The following ZNF655 variants were observed in gnomAD, a reference collection of about 807,000 sequenced individuals.
ZNF655 encodes Vav-interacting Kruppel-like protein 1.
A neutral mutation model predicts 6.6 loss-of-function variants in ZNF655; 3 were observed. That is an observed-to-expected ratio of 0.46 (90% CI 0.21 to 1.18). ZNF655 has a LOEUF of 1.18. Ranked by LOEUF, ZNF655 falls within the 50% of genes most tolerant of loss-of-function variation. The probability of loss-of-function intolerance (pLI) is 0.24; values close to 1 mark genes in which losing one functional copy is unlikely to be tolerated. For synonymous variants in ZNF655, 178 were observed against 195.0 expected (o/e 0.91, Z 0.73); for missense variants, 526 against 572.3 (o/e 0.92, Z 0.83).
At chr7:99,566,680 C>G (rs1002159700) in intron 2 of ZNF655, among the ~76,000 whole-genome samples, 8 of 152,184 alleles carry the variant, frequency 5.3e-5, no homozygotes, top group African/African-American at 1.9e-4. Context: ...CCTACCTCAG[C>G]CTTCTGGGTA....
chr7:99,571,771 G>T, intron 2 of ZNF655: 3 of 1,607,044 alleles, frequency 1.9e-6, no homozygotes, highest in Non-Finnish European at 2.6e-6. Context: ...GACTAGAGAA[G>T]TCTTAAGAGA....
chr7:99,570,688 C>T (rs141981877), intron 2 of ZNF655: 22 of 152,100 alleles, frequency 1.4e-4, no homozygotes, highest in African/African-American at 4.1e-4. Context: ...ATGTAAACAC[C>T]GTTATATGTG....
Position 99,573,130 on chromosome 7 carries a change from A to G in ZNF655, c.1022A>G (p.His341Arg). The change falls in exon 3 of 3, where the codon CAT (histidine) becomes CGT (arginine). Residue 341 changes from histidine (H) to arginine (R), a missense_variant. Transcript: ENST00000252713. ...KCTVCGSDFC[H>R]TSYLLEHQRV... is the part of the protein sequence containing the mutation. ...ACTGTATGTGGCAGTGACTTCTGCC[A>G]TACTTCATACCTACTTGAACATCAG... 6.2e-7 allele frequency: 1 copy of G among 1,614,188 alleles called. No individual in the cohort carries two copies. Among genetic ancestry groups the G allele is most frequent in the African/African-American group, 1.3e-5 (1 of 75,070 alleles).
intron 2 of ZNF655, among the ~76,000 whole-genome samples, chr7:99,566,958 C>A (rs1337927862): frequency 1.3e-5 from 2 of 151,972 alleles, no homozygotes; most frequent in African/African-American, 4.8e-5. Flanking sequence ...CTTGCTCTGT[C>A]GCTCAGGCTG....
chr7:99,562,296 A>G (rs1296927771), intron 2 of ZNF655: 2 of 1,586,750 alleles, frequency 1.3e-6, no homozygotes, highest in South Asian at 1.2e-5. Context: ...TACCCTCTCT[A>G]TGATCTTCAT....
intron 1 of ZNF655, among the ~76,000 whole-genome samples, chr7:99,559,260 C>G (rs1232114915): frequency 1.3e-5 from 2 of 152,216 alleles, no homozygotes; most frequent in Non-Finnish European, 2.9e-5. Flanking sequence ...AAAGGCCGGT[C>G]TAGCTGGTCT....
At chr7:99,559,727 A>G (rs976109177) in intron 1 of ZNF655, among the ~76,000 whole-genome samples, 21 of 151,684 alleles carry the variant, frequency 1.4e-4, no homozygotes, top group Non-Finnish European at 2.2e-4. Flanking sequence ...TCCCAAGCTC[A>G]AGCGATTCTC....
Position 99,573,671 on chromosome 7 carries a change from T to C in ZNF655, c.*87T>C, listed in dbSNP as rs953217492. ...CACCAGGGAGAAATCATGTATGTAC[T>C]GCATGTGGTAAAGCCTTCAGTCATA... On this transcript the variant is annotated 3_prime_UTR_variant, in exon 3 of 3. Coordinates refer to ENST00000252713, the MANE Select transcript of ZNF655 (RefSeq NM_138494.3). 2 of 1,457,038 alleles carry C rather than the reference T, an allele frequency of 1.4e-6. No homozygotes were observed. Among genetic ancestry groups the C allele is most frequent in the Non-Finnish European group, 9.2e-7 (1 of 1,086,108 alleles). The allele number at this position is 1,457,038 out of a possible 1,614,324, so 90.3% of individuals were successfully genotyped here. A position where few individuals can be genotyped will look rare whatever the true frequency, so the allele number is the denominator to read the frequency against.
At chr7:99,564,357 CTGCCCCGTATGG>C in intron 2 of ZNF655, 4 of 1,128,634 alleles carry the variant, frequency 3.5e-6, no homozygotes, top group Non-Finnish European at 4.3e-6. Flanking sequence ...CGAACACAAC[CTGCCCCGTATGG>C]TGCCTAACTC....
rs887955304 is a variant in ZNF655, at chr7:99,558,768, C to T, written c.-47C>T. 1 of 152,296 alleles carries T rather than the reference C, an allele frequency of 6.6e-6. No individual in the cohort carries two copies. Among genetic ancestry groups the T allele is most frequent in the African/African-American group, 2.4e-5 (1 of 41,426 alleles). The allele number at this position is 152,296 out of a possible 1,614,324, so 9.4% of individuals were successfully genotyped here. ...AGTGTGTAGGTGACAGGACAGCGGC[C>T]AGGCCCGCCCCTCCCCTCGGTGAGT... On this transcript the variant is annotated 5_prime_UTR_variant, in exon 1 of 3. Coordinates refer to ENST00000252713, the MANE Select transcript of ZNF655 (RefSeq NM_138494.3).
chr7:99,564,318 T>G, intron 2 of ZNF655: 1 of 1,203,692 alleles, frequency 8.3e-7, no homozygotes, highest in South Asian at 2.7e-5. Flanking sequence ...AATGTGAAAC[T>G]TATGCTGTGT....
At position 99,573,736 on chromosome 7, in the gene ZNF655, A is replaced by G. The variant is rs1415232561; in HGVS notation, c.*152A>G. The stretch of plus-strand genomic sequence containing the variant: ...CAGCATCAGATAATTCACACCAGAG[A>G]GAAACCCTCTGAATGTGACGAATGA... On this transcript the variant is annotated 3_prime_UTR_variant, in exon 3 of 3. Transcript: ENST00000252713. 2.3e-6 allele frequency: 2 copies of G among 871,010 alleles called. No individual in the cohort carries two copies. Among genetic ancestry groups the G allele is most frequent in the Non-Finnish European group, 3.5e-6 (2 of 576,634 alleles). 54.0% of individuals were successfully genotyped at this position (871,010 alleles called of 1,614,324 possible).
intron 2 of ZNF655, chr7:99,562,113 G>T: frequency 2.4e-6 from 2 of 823,416 alleles, no homozygotes; most frequent in Non-Finnish European, 1.8e-6. Flanking sequence ...CCTCTTCGGA[G>T]ACCTGGACTT....
In ZNF655 at chr7:99,562,674, G is replaced by A. The variant is rs376759776; in HGVS notation, c.136+1979G>A. On this transcript the variant is annotated intron_variant, in intron 2 of 2. Coordinates refer to ENST00000252713, the MANE Select transcript of ZNF655 (RefSeq NM_138494.3). The stretch of plus-strand genomic sequence containing the variant: ...GGAGGGGTAATTAACGTTTGTTTGG[G>A]GGTGCCAAGAAGAGACATTCTCCTC... Among the ~76,000 whole-genome samples, 11 of 152,022 alleles carry A rather than the reference G, an allele frequency of 7.2e-5. No homozygotes were observed. The East Asian group carries it at 1.4e-3, about 19-fold the overall frequency.
intron 2 of ZNF655, among the ~76,000 whole-genome samples, chr7:99,565,948 G>C (rs1803585714): frequency 6.8e-6 from 1 of 147,218 alleles, no homozygotes; most frequent in Non-Finnish European, 1.5e-5. Flanking sequence ...TATGTTATTG[G>C]GTACTATATA....
At chr7:99,571,540 C>A in intron 2 of ZNF655, 1 of 1,007,274 alleles carries the variant, frequency 9.9e-7, no homozygotes, top group Non-Finnish European at 1.4e-6. Context: ...CCTTGTAGAT[C>A]TTTGCCCTCT....
chr7:99,560,433 A>C, intron 1 of ZNF655, 100 bp from the exon 2 acceptor site: 1 of 1,184,278 alleles, frequency 8.4e-7, no homozygotes, highest in Non-Finnish European at 1.1e-6. Context: ...ATTTTTATTG[A>C]ATATCCATAG....
At position 99,574,694 on chromosome 7, in the gene ZNF655, T is replaced by C. The variant is rs1040011544; in HGVS notation, c.*1110T>C. ...AAACACATCGACGTAAGTAGCTCAT[T>C]TAGCTTTTTCTGCTGTTCTTGGCCC... On this transcript the variant is annotated 3_prime_UTR_variant, in exon 3 of 3. Transcript: ENST00000252713. 6.6e-6 allele frequency: 1 copy of C among 152,236 alleles called. No homozygotes were observed. The highest frequency in any genetic ancestry group is 1.5e-5 in the Non-Finnish European group (1 of 68,044). The allele number at this position is 152,236 out of a possible 1,614,324, so 9.4% of individuals were successfully genotyped here.
chr7:99,571,772 T>C, intron 2 of ZNF655: 1 of 1,605,896 alleles, frequency 6.2e-7, no homozygotes, highest in Non-Finnish European at 8.5e-7. Context: ...ACTAGAGAAG[T>C]CTTAAGAGAT....
Sources: gnomAD v4.1 joint callset for allele counts (sites outside exome capture counted in the v4.1 genomes callset) on GRCh38, gnomAD v4.1.1 for gene constraint, MANE v1.5 for transcripts, NCBI Gene and HGNC (gene_info 2026-07-23, HGNC 2026-07-21) for gene names.